The following TNR variants were observed in gnomAD, a reference collection of about 807,000 sequenced individuals.
The protein encoded by TNR is tenascin-R.
TNR carries 45 observed loss-of-function variants against 150.4 expected under a neutral mutation model. The ratio of observed to expected loss-of-function variants is 0.30; its 90% CI spans 0.24 to 0.38. The LOEUF (loss-of-function observed/expected upper bound fraction) is 0.38. Among genes scored for constraint, TNR ranks in the 10% least tolerant of loss-of-function variants. The probability of loss-of-function intolerance (pLI) is 1.00; values close to 1 mark genes in which losing one functional copy is unlikely to be tolerated. For missense variants in TNR, 1,544 were observed against 1,759.1 expected (o/e 0.88, Z 2.19); for synonymous variants, 687 against 678.4 (o/e 1.01, Z -0.20).
chr1:175,362,371 GT>G (rs1651638501), intron 14 of TNR, among the ~76,000 whole-genome samples: 2 of 152,146 alleles, frequency 1.3e-5, no homozygotes, highest in African/African-American at 4.8e-5. Flanking sequence ...TCAGATATCT[GT>G]TTTAGAATTC....
At chr1:175,702,967 C>T (rs1666739097) in intron 1 of TNR, among the ~76,000 whole-genome samples, 1 of 151,966 alleles carries the variant, frequency 6.6e-6, no homozygotes, top group Non-Finnish European at 1.5e-5. Flanking sequence ...TCCAAAATAT[C>T]CATCTATAAT....
At chr1:175,662,150 T>C (rs1305926721) in intron 1 of TNR, among the ~76,000 whole-genome samples, 1 of 152,184 alleles carries the variant, frequency 6.6e-6, no homozygotes, top group Non-Finnish European at 1.5e-5. Context: ...TTGCGAATAG[T>C]AGTTGTCAGA....
At chr1:175,683,020 T>C (rs1425886616) in intron 1 of TNR, among the ~76,000 whole-genome samples, 2 of 152,122 alleles carry the variant, frequency 1.3e-5, no homozygotes, top group Admixed American at 1.3e-4. Flanking sequence ...CCAGAAACAA[T>C]GGGCGAGCTT....
intron 1 of TNR, among the ~76,000 whole-genome samples, chr1:175,588,446 A>C (rs1571645062): frequency 6.6e-6 from 1 of 152,328 alleles, no homozygotes; most frequent in African/African-American, 2.4e-5. Context: ...CACTCCTGAA[A>C]GCTGCAGCCA....
chr1:175,562,961 C>T (rs929817336), intron 1 of TNR, among the ~76,000 whole-genome samples: 2 of 152,166 alleles, frequency 1.3e-5, no homozygotes, highest in Non-Finnish European at 2.9e-5. Context: ...ACGAAGAGAT[C>T]GATAGAATCA....
chr1:175,620,481 G>A (rs781524618), intron 1 of TNR, among the ~76,000 whole-genome samples: 12 of 152,178 alleles, frequency 7.9e-5, no homozygotes, highest in Non-Finnish European at 1.8e-4. Context: ...CAATGAGCCA[G>A]AGAAACTAGT....
chr1:175,712,147 AC>A (rs1667035655), intron 1 of TNR, among the ~76,000 whole-genome samples: 1 of 152,102 alleles, frequency 6.6e-6, no homozygotes, highest in Non-Finnish European at 1.5e-5. Context: ...TACTCATATT[AC>A]CTCATTTGCT....
intron 1 of TNR, among the ~76,000 whole-genome samples, chr1:175,657,303 C>T (rs1465709213): frequency 5.9e-5 from 9 of 152,164 alleles, no homozygotes; most frequent in South Asian, 2.1e-4. Flanking sequence ...GAAATAGGAA[C>T]ACTTTTACAC....
At position 175,393,728 on chromosome 1, in the gene TNR, G is replaced by T. The variant is rs878867157; in HGVS notation, c.1356+52C>A. On this transcript the variant is annotated intron_variant, in intron 6 of 22. Coordinates refer to ENST00000367674, the MANE Select transcript of TNR (RefSeq NM_003285.3). ...TTGCTGCCCCTGATTCCAAGCTAAA[G>T]GTACAAATATTCCAAATAAGTCTGT... The T allele has an allele frequency of 2.8e-6, 4 of 1,439,832 alleles. No individual in the cohort carries two copies. The South Asian group carries it at 3.4e-5, about 12-fold the overall frequency. The allele number at this position is 1,439,832 out of a possible 1,614,324, so 89.2% of individuals were successfully genotyped here. A position where few individuals can be genotyped will look rare whatever the true frequency, so the allele number is the denominator to read the frequency against.
intron 1 of TNR, among the ~76,000 whole-genome samples, chr1:175,590,111 A>G (rs1662739686): frequency 6.6e-6 from 1 of 152,222 alleles, no homozygotes; most frequent in African/African-American, 2.4e-5. Context: ...GTTGAGGGCT[A>G]TAGTTAATAG....
In TNR at chr1:175,673,232, C is replaced by T. The variant is rs116280106; in HGVS notation, c.-165+69994G>A. Among the ~76,000 whole-genome samples the T allele has an allele frequency of 7.6e-3, 1,163 of 152,282 alleles. 9 individuals carry two copies. The highest frequency in any genetic ancestry group is 0.011 in the Admixed American group (173 of 15,296). ...TGTCCTTCTCAAGCCCGAGCCTGCA[C>T]TGACCCAGGAGGAAGCACTCAATGG... On this transcript the variant is annotated intron_variant, in intron 1 of 22. Transcript: ENST00000367674.
chr1:175,735,792 C>T (rs972711799), intron 1 of TNR, among the ~76,000 whole-genome samples: 12 of 152,130 alleles, frequency 7.9e-5, no homozygotes, highest in African/African-American at 2.7e-4. Flanking sequence ...AAAAAGGAAA[C>T]CCAAGTGTTC....
At chr1:175,569,265 A>G (rs1661767333) in intron 1 of TNR, among the ~76,000 whole-genome samples, 1 of 152,186 alleles carries the variant, frequency 6.6e-6, no homozygotes, top group Non-Finnish European at 1.5e-5. Context: ...GGTCTTCAAG[A>G]GCGCTTCAAG....
At chr1:175,658,501 C>A (rs1339214701) in intron 1 of TNR, among the ~76,000 whole-genome samples, 1 of 152,168 alleles carries the variant, frequency 6.6e-6, no homozygotes, top group South Asian at 2.1e-4. Context: ...ACCTTCGGCA[C>A]AGCTGCTAAA....
At chr1:175,702,933 C>G (rs1325326480) in intron 1 of TNR, among the ~76,000 whole-genome samples, 1 of 152,148 alleles carries the variant, frequency 6.6e-6, no homozygotes, top group Non-Finnish European at 1.5e-5. Flanking sequence ...CTACCACAGA[C>G]AGTTTCCTGC....
intron 1 of TNR, among the ~76,000 whole-genome samples, chr1:175,718,879 C>T (rs1406113979): frequency 6.6e-6 from 1 of 152,222 alleles, no homozygotes; most frequent in East Asian, 1.9e-4. Context: ...TACACTTAGA[C>T]TCTGTTGGTG....
chr1:175,393,877 C>T lies in TNR; in HGVS notation c.1259G>A (p.Gly420Glu), dbSNP rs758085765. ...KVATHLSTPQGLQFKTITETT... is the reference protein window; with the variant it reads ...KVATHLSTPQELQFKTITETT... ...CTCTGTGATCGTCTTAAATTGTAGCCCTTGAGGAGTGGAGAGATCTGGAAC... is the reference window on the plus strand; with the variant it reads ...CTCTGTGATCGTCTTAAATTGTAGCTCTTGAGGAGTGGAGAGATCTGGAAC... Residue 420 changes from glycine (G) to glutamate (E), a missense_variant, in exon 6 of 23, where the codon GGG (glycine) becomes GAG (glutamate). This residue lies in a region of TNR where 1,254 missense variants were observed against 1,329.4 expected (regional missense o/e 0.94). Coordinates refer to ENST00000367674, the MANE Select transcript of TNR (RefSeq NM_003285.3). 1.7e-5 allele frequency: 28 copies of T among 1,613,960 alleles called. No homozygotes were observed. Among genetic ancestry groups the T allele is most frequent in the South Asian group, 1.2e-4 (11 of 91,084 alleles).
chr1:175,735,838 A>G (rs1389880177), intron 1 of TNR, among the ~76,000 whole-genome samples: 1 of 152,160 alleles, frequency 6.6e-6, no homozygotes, highest in African/African-American at 2.4e-5. Flanking sequence ...GGGCTCGGAA[A>G]CCCTCCTTAA....
At chr1:175,356,821 C>T (rs1187929652) in intron 15 of TNR, among the ~76,000 whole-genome samples, 5 of 152,188 alleles carry the variant, frequency 3.3e-5, no homozygotes, top group African/African-American at 1.2e-4. Context: ...CCCCCACTTC[C>T]CATCACATTT....
Sources: allele counts gnomAD v4.1 joint callset (sites outside exome capture counted in the v4.1 genomes callset), GRCh38; gene constraint gnomAD v4.1.1; regional missense constraint gnomAD v4.1.1; transcripts MANE v1.5; gene names NCBI Gene and HGNC (gene_info 2026-07-23, HGNC 2026-07-21).